The following SGIP1 variants were observed in gnomAD, a reference collection of about 807,000 sequenced individuals.
SGIP1 encodes SH3-containing GRB2-like protein 3-interacting protein 1.
Under a neutral mutation model 107.5 loss-of-function variants are expected in SGIP1, and 38 were observed. The observed-to-expected ratio is 0.35, with a 90% confidence interval of 0.27 to 0.46. The LOEUF is 0.46. SGIP1 is among the 20% of genes least tolerant of loss of function. The pLI is 1.00. For missense variants in SGIP1, 929 were observed against 1,019.5 expected, an observed-to-expected ratio of 0.91 and a Z score of 1.21; for synonymous variants, 365 against 366.1, an observed-to-expected ratio of 1.00 and a Z score of 0.03.
intron 24 of SGIP1, 56 bp downstream of exon 24, chr1:66,741,492 T>C (rs1314861283): frequency 6.8e-7 from 1 of 1,472,578 alleles, no homozygotes; most frequent in African/African-American, 1.4e-5. Context: ...TTGGCTACTC[T>C]TAAGAGGAAT....
intron 15 of SGIP1, among the ~76,000 whole-genome samples, chr1:66,686,757 A>C (rs1467140190): frequency 6.6e-6 from 1 of 152,244 alleles, no homozygotes; most frequent in African/African-American, 2.4e-5. Flanking sequence ...ATCAGTACAG[A>C]AAAAGTGATT....
At chr1:66,683,149 G>A (rs371739800) in intron 15 of SGIP1, among the ~76,000 whole-genome samples, 115 of 152,156 alleles carry the variant, frequency 7.6e-4, no homozygotes, top group African/African-American at 2.6e-3. Context: ...TGAAAGTATA[G>A]TAACACCTAC....
At chr1:66,684,526 G>T (rs1041702313) in intron 15 of SGIP1, among the ~76,000 whole-genome samples, 1 of 152,166 alleles carries the variant, frequency 6.6e-6, no homozygotes, top group Admixed American at 6.5e-5. Context: ...TAAAAGAGGG[G>T]TGTGTACTTT....
At chr1:66,690,552 T>C (rs1308859322) in intron 17 of SGIP1, 3 of 536,934 alleles carry the variant, frequency 5.6e-6, no homozygotes, top group Admixed American at 3.3e-5. Flanking sequence ...AATTTTCTTA[T>C]GCTGTTCCAT....
intron 12 of SGIP1, among the ~76,000 whole-genome samples, chr1:66,675,460 T>C (rs2149893970): frequency 6.6e-6 from 1 of 152,218 alleles, no homozygotes; most frequent in East Asian, 1.9e-4. Flanking sequence ...TTCCCTTTTG[T>C]ATCTACTCAT....
At chr1:66,537,328 G>A (rs1391761729) in intron 1 of SGIP1, among the ~76,000 whole-genome samples, 3 of 152,130 alleles carry the variant, frequency 2.0e-5, no homozygotes, top group Non-Finnish European at 4.4e-5. Flanking sequence ...GATGAGCAAA[G>A]GGAATTATTA....
chr1:66,705,740 A>G (rs75318620), intron 18 of SGIP1, among the ~76,000 whole-genome samples: 3,013 of 152,248 alleles, frequency 0.02, 96 homozygotes, highest in African/African-American at 0.068. Context: ...CATTCAAGAA[A>G]TAAACACTTC....
At chr1:66,584,427 T>C (rs1262503922) in intron 1 of SGIP1, among the ~76,000 whole-genome samples, 2 of 152,178 alleles carry the variant, frequency 1.3e-5, no homozygotes, top group East Asian at 1.9e-4. Context: ...ACAGTGCAAA[T>C]ATCTCTTCTG....
chr1:66,637,611 A>G (rs1004497087), intron 4 of SGIP1, among the ~76,000 whole-genome samples: 2 of 151,426 alleles, frequency 1.3e-5, no homozygotes, highest in South Asian at 2.1e-4. Flanking sequence ...CTTTATCTCA[A>G]TCTTCCTTTG....
At chr1:66,574,577 A>G (rs2060805166) in intron 1 of SGIP1, among the ~76,000 whole-genome samples, 1 of 152,206 alleles carries the variant, frequency 6.6e-6, no homozygotes, top group Admixed American at 6.5e-5. Context: ...CTTTATATGC[A>G]GAACATAGGA....
chr1:66,565,081 A>T (rs1336744736), intron 1 of SGIP1, among the ~76,000 whole-genome samples: 1 of 151,786 alleles, frequency 6.6e-6, no homozygotes, highest in Non-Finnish European at 1.5e-5. Context: ...GGACCCCCTG[A>T]CTCCACTGCC....
chr1:66,722,912 C>G (rs1470828618), intron 19 of SGIP1, among the ~76,000 whole-genome samples: 1 of 152,090 alleles, frequency 6.6e-6, no homozygotes, highest in African/African-American at 2.4e-5. Flanking sequence ...TTTTCCTATA[C>G]CCTTCTAAAT....
At chr1:66,733,656 A>T in intron 20 of SGIP1, 92 bp from the exon 21 acceptor site, 3 of 1,395,836 alleles carry the variant, frequency 2.1e-6, no homozygotes, top group Non-Finnish European at 2.9e-6. Context: ...AAATGGCTGT[A>T]CATATCAGAC....
chr1:66,575,091 C>T (rs1042388665), intron 1 of SGIP1, among the ~76,000 whole-genome samples: 4 of 152,092 alleles, frequency 2.6e-5, no homozygotes, highest in African/African-American at 7.2e-5. Flanking sequence ...TCACAGAGCA[C>T]GTGGAAGGCA....
intron 2 of SGIP1, 52 bp downstream of exon 2, chr1:66,625,962 G>T: frequency 7.0e-7 from 1 of 1,420,900 alleles, no homozygotes; most frequent in Non-Finnish European, 9.9e-7. Flanking sequence ...CATAAGAGAT[G>T]CTCTTATCAC....
At position 66,682,131 on chromosome 1, in the gene SGIP1, C is replaced by G; in HGVS notation, c.1077C>G (p.Gly359=). 6.2e-7 allele frequency: 1 copy of G among 1,614,048 alleles called. No individual in the cohort carries two copies. Among genetic ancestry groups the G allele is most frequent in the Non-Finnish European group, 8.5e-7 (1 of 1,179,914 alleles). Residue 359 remains glycine (G), a synonymous_variant, in exon 15 of 25, where the codon GGC becomes GGG. Coordinates refer to ENST00000371037, the MANE Select transcript of SGIP1 (RefSeq NM_032291.4). ...CTCTCGGCCCCCCAGGTCCCACAGG[C>G]CCCCCAGGGCCTCCTGGGCCTCCTC... ...PGPLGPPGPT[G]PPGPPGPPRN...
chr1:66,691,556 C>G (rs1008546211), intron 17 of SGIP1, among the ~76,000 whole-genome samples: 3 of 152,188 alleles, frequency 2.0e-5, no homozygotes, highest in Non-Finnish European at 4.4e-5. Flanking sequence ...TCTGCAACAT[C>G]AACTGGGGCA....
intron 1 of SGIP1, among the ~76,000 whole-genome samples, chr1:66,623,597 T>C (rs1020254155): frequency 2.0e-5 from 3 of 152,210 alleles, no homozygotes; most frequent in African/African-American, 7.2e-5. Flanking sequence ...ATTTTTTTTC[T>C]AGAATTTCAC....
intron 7 of SGIP1, among the ~76,000 whole-genome samples, chr1:66,651,419 G>C (rs1332963750): frequency 6.6e-6 from 1 of 152,106 alleles, no homozygotes; most frequent in African/African-American, 2.4e-5. Context: ...AACTCAGAAA[G>C]TTCTGTTTCT....
Sources: gnomAD v4.1 joint callset for allele counts (sites outside exome capture counted in the v4.1 genomes callset) on GRCh38, gnomAD v4.1.1 for gene constraint, MANE v1.5 for transcripts, NCBI Gene and HGNC (gene_info 2026-07-23, HGNC 2026-07-21) for gene names.